The following RCOR1 variants were observed in gnomAD, a reference collection of about 807,000 sequenced individuals.
The protein encoded by RCOR1 is REST corepressor 1, also known as REST corepressor.
In RCOR1, 12 loss-of-function variants were observed where a neutral mutation model predicts 64.0. That is an observed-to-expected ratio of 0.19 (90% CI 0.12 to 0.30). RCOR1 has a LOEUF of 0.30. Among genes scored for constraint, RCOR1 ranks in the 10% least tolerant of loss-of-function variants. The pLI is 1.00. For missense variants in RCOR1, 502 were observed against 621.2 expected (o/e 0.81, Z 2.04); for synonymous variants, 279 against 227.2 (o/e 1.23, Z -2.05).
rs559662430 is a variant in RCOR1 at position 102,714,930 on chromosome 14, C to T, written c.1053+313C>T. Among the ~76,000 whole-genome samples the T allele has an allele frequency of 8.8e-4, 134 of 152,228 alleles. 1 individual carries two copies. Among genetic ancestry groups the T allele is most frequent in the Middle Eastern group, 6.8e-3 (2 of 292 alleles). ...AATATGAACATACCCTAGTAACCTG[C>T]ATCTGGATCAAAAAATGGAATGTTG... is the stretch of plus-strand genomic sequence containing the variant. On this transcript the variant is annotated intron_variant, in intron 8 of 11. Transcript: ENST00000262241.
intron 2 of RCOR1, among the ~76,000 whole-genome samples, chr14:102,615,455 T>G (rs559495512): frequency 2.0e-5 from 3 of 150,486 alleles, no homozygotes; most frequent in Non-Finnish European, 4.4e-5. Context: ...TTCTTTTTTT[T>G]TTTTTTTTTT....
intron 2 of RCOR1, among the ~76,000 whole-genome samples, chr14:102,637,419 C>T (rs965640371): frequency 5.9e-5 from 9 of 151,946 alleles, no homozygotes; most frequent in African/African-American, 2.2e-4. Context: ...TGAGCCACTG[C>T]ACCTGGCCGC....
intron 2 of RCOR1, among the ~76,000 whole-genome samples, chr14:102,608,411 T>C (rs141627827): frequency 1.3e-5 from 2 of 152,186 alleles, no homozygotes; most frequent in East Asian, 3.9e-4. Context: ...TGCTTTTGTT[T>C]TGTGTTGTTG....
In RCOR1 at chr14:102,593,007, C is replaced by T. The variant is rs1352096654; in HGVS notation, c.121C>T (p.Pro41Ser). 19 of 1,198,356 alleles carry T rather than the reference C, an allele frequency of 1.6e-5. No individual in the cohort carries two copies. The highest frequency in any genetic ancestry group is 2.0e-5 in the Non-Finnish European group (19 of 964,460). The allele number at this position is 1,198,356 out of a possible 1,614,324, so 74.2% of individuals were successfully genotyped here. ...CGCCGCCTCGGCCGCCTGCGCCTCG[C>T]CAGCCGCCACTGCCGCCTCGGGCGC... ...SAAASAACAS[P>S]AATAASGAAA... Residue 41 changes from proline to serine, a missense_variant, in exon 1 of 12, where the codon CCA becomes TCA. Coordinates refer to ENST00000262241, the MANE Select transcript of RCOR1 (RefSeq NM_015156.4).
chr14:102,720,096 C>T (rs115604183), intron 8 of RCOR1, among the ~76,000 whole-genome samples: 105 of 152,304 alleles, frequency 6.9e-4, no homozygotes, highest in African/African-American at 2.3e-3. Context: ...CGGGTAGCAT[C>T]TTCTACTCAT....
At chr14:102,681,033 G>A (rs1029934659) in intron 2 of RCOR1, among the ~76,000 whole-genome samples, 9 of 152,056 alleles carry the variant, frequency 5.9e-5, no homozygotes, top group Non-Finnish European at 1.2e-4. Context: ...GAACACATTG[G>A]TAGACAAAAT....
chr14:102,720,005 T>C (rs1269256515), intron 8 of RCOR1, among the ~76,000 whole-genome samples: 1 of 152,228 alleles, frequency 6.6e-6, no homozygotes, highest in African/African-American at 2.4e-5. Flanking sequence ...GAGATTGTAA[T>C]GTCTAGCATG....
chr14:102,631,746 T>C (rs1353420446), intron 2 of RCOR1, among the ~76,000 whole-genome samples: 1 of 152,192 alleles, frequency 6.6e-6, no homozygotes, highest in Non-Finnish European at 1.5e-5. Context: ...ATATAGCTTC[T>C]AAGCAGAACC....
At chr14:102,604,035 C>T (rs1475607479) in intron 2 of RCOR1, among the ~76,000 whole-genome samples, 4 of 152,054 alleles carry the variant, frequency 2.6e-5, no homozygotes, top group Non-Finnish European at 5.9e-5. Flanking sequence ...AAATACATTC[C>T]TGACTGGAGA....
chr14:102,681,357 A>AATGATGACATGTCAGTAATGACATGTC lies in RCOR1; in HGVS notation c.362-536_362-535insGATGACATGTCAGTAATGACATGTCAT, dbSNP rs1344462860. Reference sequence around the variant, plus strand: ...TAATAGATGACAGCCGCTTGCGGTTAATTCAGTAATACATGTCAGCTCCAC... The same window carrying AATGATGACATGTCAGTAATGACATGTC: ...TAATAGATGACAGCCGCTTGCGGTTAATGATGACATGTCAGTAATGACATGTCATTCAGTAATACATGTCAGCTCCAC... On this transcript the variant is annotated intron_variant, in intron 2 of 11. Transcript: ENST00000262241. 7.2e-5 allele frequency among the ~76,000 whole-genome samples: 11 copies of AATGATGACATGTCAGTAATGACATGTC among 152,232 alleles called. 1 individual carries two copies. Among genetic ancestry groups the AATGATGACATGTCAGTAATGACATGTC allele is most frequent in the Admixed American group, 1.3e-4 (2 of 15,282 alleles).
intron 2 of RCOR1, among the ~76,000 whole-genome samples, chr14:102,650,271 G>C (rs1894558768): frequency 6.6e-6 from 1 of 151,630 alleles, no homozygotes; most frequent in Non-Finnish European, 1.5e-5. Flanking sequence ...CACTTTGGGA[G>C]GCTGAGGTGG....
chr14:102,642,738 A>C (rs1314393661), intron 2 of RCOR1, among the ~76,000 whole-genome samples: 1 of 152,122 alleles, frequency 6.6e-6, no homozygotes, highest in Non-Finnish European at 1.5e-5. Flanking sequence ...CGGGATGCTG[A>C]GATGGAAGGA....
At position 102,713,255 on chromosome 14, in the gene RCOR1, G is replaced by A. The variant is rs183499332; in HGVS notation, c.859-1168G>A. ...AGCCGTGAGCCACCACACCTGGCCCGTAGTTTCTTTTTTTTTTTTTTGAGA... is the reference window on the plus strand; with the variant it reads ...AGCCGTGAGCCACCACACCTGGCCCATAGTTTCTTTTTTTTTTTTTTGAGA... On this transcript the variant is annotated intron_variant, in intron 7 of 11. Transcript: ENST00000262241. Among the ~76,000 whole-genome samples the A allele has an allele frequency of 7.5e-3, 1,085 of 145,634 alleles. 14 individuals are homozygous for A. The highest frequency in any genetic ancestry group is 0.027 in the Middle Eastern group (7 of 256).
chr14:102,704,461 T>TC (rs1470974149), intron 4 of RCOR1, among the ~76,000 whole-genome samples: 4 of 152,226 alleles, frequency 2.6e-5, no homozygotes, highest in African/African-American at 9.6e-5. Flanking sequence ...AGATGGAGTC[T>TC]CACTCTGTCA....
intron 2 of RCOR1, among the ~76,000 whole-genome samples, chr14:102,653,995 T>TCTTTCTTTCTTTCTTTG (rs1567423523): frequency 8.4e-6 from 1 of 119,112 alleles, no homozygotes; most frequent in African/African-American, 3.7e-5. Context: ...TTTTTTTTTT[T>TCTTTCTTTCTTTCTTTG]TTTTTTTTGA....
chr14:102,657,202 G>A (rs1894744670), intron 2 of RCOR1: 3 of 984,684 alleles, frequency 3.0e-6, no homozygotes, highest in Admixed American at 6.2e-5. Flanking sequence ...GCAAAGTGTT[G>A]TGCCTCACGG....
chr14:102,713,056 G>A (rs554358781), intron 7 of RCOR1, among the ~76,000 whole-genome samples: 26 of 143,344 alleles, frequency 1.8e-4, no homozygotes, highest in African/African-American at 6.2e-4. Flanking sequence ...CCAGGTTCAA[G>A]CAGTTCTCTG....
intron 2 of RCOR1, among the ~76,000 whole-genome samples, chr14:102,619,473 CTTTTTTTTTTT>C (rs35488660): frequency 0.65 from 86,009 of 132,750 alleles, 27,776 homozygotes; most frequent in South Asian, 0.74. Flanking sequence ...TCTATCTAAT[CTTTTTTTTTTT>C]TTTTTTTTTT....
chr14:102,592,983 G>C lies in RCOR1; in HGVS notation c.97G>C (p.Ala33Pro). ...CGCCTCCGCCGCCGCCGCCTCCGCC[G>C]CCGCCTCGGCCGCCTGCGCCTCGCC... The part of the protein sequence containing the change: ...ASASAAAASA[A>P]ASAACASPAA... Residue 33 changes from alanine (A) to proline (P), a missense_variant, in exon 1 of 12, where the codon GCC (alanine) becomes CCC (proline). Physicochemically the swap from Ala to Pro is conservative, Grantham distance 27. Coordinates refer to ENST00000262241, the MANE Select transcript of RCOR1 (RefSeq NM_015156.4). 1 of 1,146,958 alleles carries C rather than the reference G, an allele frequency of 8.7e-7. No homozygotes were observed. The highest frequency in any genetic ancestry group is 1.1e-6 in the Non-Finnish European group (1 of 934,978). 71.0% of individuals were successfully genotyped at this position (1,146,958 alleles called of 1,614,324 possible).
Sources: gnomAD v4.1 joint callset for allele counts (sites outside exome capture counted in the v4.1 genomes callset) on GRCh38, gnomAD v4.1.1 for gene constraint, MANE v1.5 for transcripts, NCBI Gene and HGNC (gene_info 2026-07-23, HGNC 2026-07-21) for gene names.